The following GTPBP6 variants were observed in gnomAD, a reference collection of about 807,000 sequenced individuals.
The protein encoded by GTPBP6 is GTP binding protein 6, also known as putative GTP-binding protein 6.
A neutral mutation model predicts 28.9 loss-of-function variants in GTPBP6; 33 were observed. The observed-to-expected ratio is 1.14, with a 90% confidence interval of 0.87 to 1.53. The LOEUF is 1.53. GTPBP6 is among the 40% of genes most tolerant of loss of function. The pLI is 0.00. For synonymous variants in GTPBP6, 231 were observed against 192.7 expected (o/e 1.20, Z -1.65); for missense variants, 507 against 408.3 (o/e 1.24, Z -2.08).
At chrX:315,519 C>A (rs2070413774) in intron 2 of GTPBP6, among the ~76,000 whole-genome samples, 1 of 142,564 alleles carries the variant, frequency 7.0e-6, no homozygotes, top group Non-Finnish European at 1.6e-5. Flanking sequence ...ACGGTGAACA[C>A]ATCCCGGCAG....
chrX:308,722 G>GA (rs1311818748), intron 7 of GTPBP6, among the ~76,000 whole-genome samples: 1 of 146,362 alleles, frequency 6.8e-6, no homozygotes, highest in Non-Finnish European at 1.5e-5. Flanking sequence ...TTCATCCCAG[G>GA]AAAGTTTTAC....
At chrX:317,311 G>A (rs2070456101) in intron 1 of GTPBP6, among the ~76,000 whole-genome samples, 1 of 151,648 alleles carries the variant, frequency 6.6e-6, no homozygotes, top group Non-Finnish European at 1.5e-5. Context: ...GCGCAGCAGG[G>A]AACCCGGGAG....
chrX:311,676 C>G, intron 6 of GTPBP6, 49 bp from the exon 7 acceptor site: 2 of 1,441,262 alleles, frequency 1.4e-6, no homozygotes, highest in Non-Finnish European at 9.8e-7. Flanking sequence ...TGCGTCCCAA[C>G]TCCTAGCGCC....
chrX:311,196 T>TCCGAAGGCCCGGCCCCTGGG (rs1556031600), intron 7 of GTPBP6, among the ~76,000 whole-genome samples: 49,700 of 145,718 alleles, frequency 0.34, 9,112 homozygotes, highest in South Asian at 0.5. Context: ...TGGGTGGGTG[T>TCCGAAGGCCCGGCCCCTGGG]CTGAGGGCCC....
At chrX:312,688 C>T in intron 6 of GTPBP6, 78 bp downstream of exon 6, 3 of 1,420,994 alleles carry the variant, frequency 2.1e-6, no homozygotes, top group Non-Finnish European at 2.9e-6. Context: ...ACGACAGGGA[C>T]CCCCTGCCCT....
rs752336118 is a variant in GTPBP6 at position 309,189 on chromosome X, C to T, written c.1126-1309G>A. Among the ~76,000 whole-genome samples the T allele has an allele frequency of 1.2e-4, 19 of 152,296 alleles. No homozygotes were observed. In the South Asian group the frequency reaches 3.9e-3, roughly 32 times the overall value. On this transcript the variant is annotated intron_variant, in intron 7 of 9. Transcript: ENST00000326153. ...TAGCCTGAATGTGACAATCTCACAC[C>T]TTGTTTTCCTGCCTTGTTGCTTGAC...
intron 1 of GTPBP6, among the ~76,000 whole-genome samples, chrX:317,696 ACCCCACCCC>A (rs2070463904): frequency 1.6e-4 from 1 of 6,398 alleles, no homozygotes; most frequent in Admixed American, 1.5e-3. Flanking sequence ...GGCCCACCCA[ACCCCACCCC>A]ACCCCACCCC....
intron 9 of GTPBP6, among the ~76,000 whole-genome samples, chrX:306,873 G>A (rs1569346245): frequency 1.6e-5 from 1 of 62,914 alleles, no homozygotes; most frequent in Non-Finnish European, 2.8e-5. Context: ...CCTGTTGTAT[G>A]CAGTCAGAAA....
chrX:317,485 C>T (rs1289748758), intron 1 of GTPBP6, among the ~76,000 whole-genome samples: 2 of 144,802 alleles, frequency 1.4e-5, no homozygotes, highest in Non-Finnish European at 1.5e-5. Flanking sequence ...ACTACAGGAG[C>T]TTCCAAGGGA....
At position 311,330 on chromosome X, in the gene GTPBP6, GCCCGAC is replaced by G. The variant is rs1248310144; in HGVS notation, c.1125+83_1125+88del. The G allele has an allele frequency of 8.4e-4, 800 of 953,800 alleles. 49 individuals carry two copies. In the African/African-American group the frequency reaches 0.015, roughly 18 times the overall value. 59.1% of individuals were successfully genotyped at this position (953,800 alleles called of 1,614,324 possible). On this transcript the variant is annotated intron_variant, in intron 7 of 9. Coordinates refer to ENST00000326153, the Ensembl canonical transcript of GTPBP6. ...CCCTGGGCTGAGTGGGTGTCCGAGGGCCCGACCCCTGGCTGTGTGTGTCTGAGTGCC... is the reference window on the plus strand; with the variant it reads ...CCCTGGGCTGAGTGGGTGTCCGAGGGCCCTGGCTGTGTGTGTCTGAGTGCC...
At chrX:311,739 C>A in intron 6 of GTPBP6, 112 bp from the exon 7 acceptor site, 3 of 841,764 alleles carry the variant, frequency 3.6e-6, no homozygotes, top group East Asian at 2.6e-5. Context: ...GGCCGCACCC[C>A]GGGCTACACG....
chrX:311,835 C>A, intron 6 of GTPBP6: 1 of 607,740 alleles, frequency 1.6e-6, no homozygotes, highest in Non-Finnish European at 2.9e-6. Context: ...TGGAGCGGGG[C>A]CGCCGTGCGG....
intron 6 of GTPBP6, 109 bp from the exon 7 acceptor site, chrX:311,736 C>A (rs2070304627): frequency 1.1e-6 from 1 of 885,126 alleles, no homozygotes; most frequent in Non-Finnish European, 1.8e-6. Flanking sequence ...GGGGGCCGCA[C>A]CCCGGGCTAC....
Position 318,186 on chromosome X carries a change from T to A in GTPBP6, c.349+253A>T, listed in dbSNP as rs1215731816. On this transcript the variant is annotated intron_variant, in intron 1 of 9. Coordinates refer to ENST00000326153, the Ensembl canonical transcript of GTPBP6. ...TATGAGCCTCCCCAGAGCCCCGCCC[T>A]TGCATCGCCAGCTATGATTCTCCCG... Among the ~76,000 whole-genome samples the A allele has an allele frequency of 5.0e-5, 7 of 139,190 alleles. 1 individual carries two copies. The highest frequency in any genetic ancestry group is 1.1e-4 in the Non-Finnish European group (7 of 65,106). 91.3% of individuals were successfully genotyped at this position (139,190 alleles called of 152,430 possible).
At chrX:307,495 G>A (rs769387323) in exon 9 of GTPBP6, 29 of 1,611,104 alleles carry the variant, frequency 1.8e-5, no homozygotes, top group African/African-American at 6.7e-5. Flanking sequence ...CACGACGTTC[G>A]GTTCCGTGGG....
chrX:314,993 C>T (rs1248565832), exon 4 of GTPBP6: 1 of 398,570 alleles, frequency 2.5e-6, no homozygotes, highest in Non-Finnish European at 4.4e-6. Context: ...TCAAACACCT[C>T]CACGCCCCAG....
chrX:317,556 G>GGAGGGT (rs2124479964), intron 1 of GTPBP6, among the ~76,000 whole-genome samples: 1 of 85,166 alleles, frequency 1.2e-5, no homozygotes, highest in South Asian at 3.9e-4. Flanking sequence ...ATTTCCTCCT[G>GGAGGGT]GGGGGTGGGG....
intron 5 of GTPBP6, 47 bp from the exon 6 acceptor site, chrX:312,971 G>C: frequency 6.4e-7 from 1 of 1,563,768 alleles, no homozygotes; most frequent in Non-Finnish European, 8.7e-7. Flanking sequence ...GCCGGGAAAG[G>C]CACAAGTGCG....
intron 6 of GTPBP6, 93 bp downstream of exon 6, chrX:312,673 C>T: frequency 7.6e-7 from 1 of 1,309,294 alleles, no homozygotes; most frequent in South Asian, 1.3e-5. Flanking sequence ...TACGGCACCA[C>T]TGAGACGACA....
Sources: gnomAD v4.1 joint callset for allele counts (sites outside exome capture counted in the v4.1 genomes callset) on GRCh38, gnomAD v4.1.1 for gene constraint, MANE v1.5 for transcripts, NCBI Gene and HGNC (gene_info 2026-07-23, HGNC 2026-07-21) for gene names.